The following CEP128 variants were observed in gnomAD, a reference collection of about 807,000 sequenced individuals.
The protein encoded by CEP128 is centrosomal protein 128kDa.
A neutral mutation model predicts 156.7 loss-of-function variants in CEP128; 132 were observed. The ratio of observed to expected loss-of-function variants is 0.84; its 90% confidence interval spans 0.73 to 0.97. The LOEUF is 0.97. Among genes scored for constraint, CEP128 ranks in the 50% least tolerant of loss-of-function variants. The pLI is 0.00. For missense variants in CEP128, 1,252 were observed against 1,281.9 expected (o/e 0.98, Z 0.36); for synonymous variants, 469 against 448.9 (o/e 1.04, Z -0.57).
At chr14:80,901,198 T>C (rs1484911374) in intron 6 of CEP128, among the ~76,000 whole-genome samples, 2 of 151,004 alleles carry the variant, frequency 1.3e-5, no homozygotes, top group Non-Finnish European at 3.0e-5. Context: ...AGAGCGAGAC[T>C]CCGTCTCAAA....
At chr14:80,641,387 C>T (rs574794184) in intron 19 of CEP128, among the ~76,000 whole-genome samples, 1 of 152,208 alleles carries the variant, frequency 6.6e-6, no homozygotes, top group East Asian at 1.9e-4. Context: ...GGCCAGCGTG[C>T]CCTTTCCACT....
rs368854930 is a variant in CEP128, at chr14:80,787,359, T to C, written c.1561-1814A>G. On this transcript the variant is annotated intron_variant, in intron 14 of 24. Transcript: ENST00000555265. Reference sequence around the variant, plus strand: ...ATTCTGAACTTCTAGAAGCCAACCTTGTTCCTTGGCTCATGGACTCTGCCA... The same window carrying C: ...ATTCTGAACTTCTAGAAGCCAACCTCGTTCCTTGGCTCATGGACTCTGCCA... Among the ~76,000 whole-genome samples the C allele has an allele frequency of 2.0e-4, 31 of 152,276 alleles. 5 individuals carry two copies. Among genetic ancestry groups the C allele is most frequent in the Admixed American group, 8.5e-4 (13 of 15,300 alleles).
At chr14:80,944,022 C>T (rs1232491518), upstream of CEP128, among the ~76,000 whole-genome samples, 2 of 150,390 alleles carry the variant, frequency 1.3e-5, no homozygotes, top group African/African-American at 2.4e-5. Flanking sequence ...AGTGAAGTCA[C>T]ATCACTGAAT....
intron 4 of CEP128, among the ~76,000 whole-genome samples, chr14:80,908,785 C>T (rs976342968): frequency 1.3e-5 from 2 of 152,200 alleles, no homozygotes; most frequent in African/African-American, 4.8e-5. Flanking sequence ...AAATCTGGTT[C>T]TGCTTCTAAT....
intron 19 of CEP128, among the ~76,000 whole-genome samples, chr14:80,672,154 A>T (rs909221751): frequency 1.3e-5 from 2 of 152,166 alleles, no homozygotes; most frequent in African/African-American, 4.8e-5. Context: ...ATGTAAAGTA[A>T]ACAAATCTAT....
chr14:80,906,152 A>G (rs1883875112), intron 4 of CEP128, 71 bp from the exon 5 acceptor site: 1 of 1,178,660 alleles, frequency 8.5e-7, no homozygotes, highest in Non-Finnish European at 1.1e-6. Context: ...TAGACCACAG[A>G]TTTTCAAAGC....
At chr14:80,890,177 G>T (rs1889025244) in intron 8 of CEP128, among the ~76,000 whole-genome samples, 1 of 152,122 alleles carries the variant, frequency 6.6e-6, no homozygotes, top group Non-Finnish European at 1.5e-5. Flanking sequence ...CACTGTTGGT[G>T]GGAGTGTAAA....
At chr14:80,757,136 T>C (rs1450003435) in intron 17 of CEP128, among the ~76,000 whole-genome samples, 185 bp from the exon 18 acceptor site, 1 of 152,232 alleles carries the variant, frequency 6.6e-6, no homozygotes, top group African/African-American at 2.4e-5. Context: ...TTTTTATGTA[T>C]GTATTCATTT....
intron 23 of CEP128, among the ~76,000 whole-genome samples, chr14:80,511,742 C>T (rs1471580861): frequency 6.6e-6 from 1 of 151,856 alleles, no homozygotes; most frequent in African/African-American, 2.4e-5. Flanking sequence ...ATAAACTTTC[C>T]TCTTCGTACT....
At chr14:80,933,510 C>A (rs1170841744) in intron 2 of CEP128, among the ~76,000 whole-genome samples, 1 of 152,160 alleles carries the variant, frequency 6.6e-6, no homozygotes, top group East Asian at 1.9e-4. Context: ...TGAGCCTCTG[C>A]CAGCTGTAGC....
downstream of CEP128, among the ~76,000 whole-genome samples, chr14:80,488,643 C>T (rs915702875): frequency 6.6e-6 from 1 of 151,980 alleles, no homozygotes; most frequent in Non-Finnish European, 1.5e-5. Flanking sequence ...GGTATATACC[C>T]AAAGGATTAT....
chr14:80,894,535 TC>T (rs1889253187), intron 8 of CEP128: 1 of 419,296 alleles, frequency 2.4e-6, no homozygotes, highest in Non-Finnish European at 4.6e-6. Context: ...TCCGAAAAAA[TC>T]TAGAACTTTA....
chr14:80,595,618 T>C (rs1227723522), intron 19 of CEP128, among the ~76,000 whole-genome samples: 1 of 152,220 alleles, frequency 6.6e-6, no homozygotes, highest in East Asian at 1.9e-4. Flanking sequence ...CAAAGAGTTT[T>C]ACTCAAAAAC....
intron 8 of CEP128, among the ~76,000 whole-genome samples, chr14:80,892,055 G>GAA (rs544529899): frequency 3.6e-5 from 5 of 139,924 alleles, no homozygotes; most frequent in Non-Finnish European, 4.7e-5. Flanking sequence ...TTCCTCACAG[G>GAA]AAAAAAAAAA....
At chr14:80,816,556 G>T (rs916798131) in intron 13 of CEP128, among the ~76,000 whole-genome samples, 2 of 152,182 alleles carry the variant, frequency 1.3e-5, no homozygotes, top group Non-Finnish European at 2.9e-5. Flanking sequence ...CTAAGTAGGG[G>T]TATCATTCTG....
chr14:80,818,745 A>C (rs1208347971), intron 13 of CEP128, among the ~76,000 whole-genome samples: 1 of 152,262 alleles, frequency 6.6e-6, no homozygotes, highest in African/African-American at 2.4e-5. Context: ...TGCAACCTAG[A>C]AGGAACAAAC....
chr14:80,602,038 G>A (rs1243962170), intron 19 of CEP128, among the ~76,000 whole-genome samples: 1 of 152,248 alleles, frequency 6.6e-6, no homozygotes, highest in South Asian at 2.1e-4. Context: ...ACCAAAGAGA[G>A]CTAGAATAGT....
chr14:80,959,106 G>A (rs1427688108), intron 1 of CEP128, among the ~76,000 whole-genome samples: 3 of 152,154 alleles, frequency 2.0e-5, no homozygotes, highest in African/African-American at 4.8e-5. Flanking sequence ...ATGCAGGGGA[G>A]AGAGTTACGG....
At chr14:80,636,689 G>A (rs192739917) in intron 19 of CEP128, among the ~76,000 whole-genome samples, 4 of 152,190 alleles carry the variant, frequency 2.6e-5, no homozygotes, top group Admixed American at 2.6e-4. Context: ...ATTGTCCCCA[G>A]CTAATATTAT....
Sources: allele counts gnomAD v4.1 joint callset (sites outside exome capture counted in the v4.1 genomes callset), GRCh38; gene constraint gnomAD v4.1.1; transcripts MANE v1.5; gene names NCBI Gene and HGNC (gene_info 2026-07-23, HGNC 2026-07-21).